Variants in CTNND2 observed in about 807,000 individuals in gnomAD.
CTNND2 encodes the protein catenin delta 2.
A neutral mutation model predicts 144.4 loss-of-function variants in CTNND2; 22 were observed. The ratio of observed to expected loss-of-function variants is 0.15; its 90% CI spans 0.11 to 0.22. The LOEUF is 0.22. Ranked by LOEUF, CTNND2 falls within the 10% of genes least tolerant of loss-of-function variation. The pLI is 1.00. For synonymous variants in CTNND2, 751 were observed against 695.6 expected, an observed-to-expected ratio of 1.08 and a Z score of -1.25; for missense variants, 1,353 against 1,618.8, an observed-to-expected ratio of 0.84 and a Z score of 2.82.
chr5:11,581,077 CTT>C (rs962891281), intron 2 of CTNND2, among the ~76,000 whole-genome samples: 1 of 152,072 alleles, frequency 6.6e-6, no homozygotes, highest in Non-Finnish European at 1.5e-5. Context: ...AATAATATAA[CTT>C]AAGGTTACAG....
At chr5:11,491,213 C>T (rs1769349776) in intron 3 of CTNND2, among the ~76,000 whole-genome samples, 1 of 152,168 alleles carries the variant, frequency 6.6e-6, no homozygotes, top group Non-Finnish European at 1.5e-5. Flanking sequence ...GTCCTGGTTC[C>T]AGTTGCTTTC....
rs141545406 is a variant in CTNND2, at chr5:11,139,561, A to C, written c.2159+20015T>G. On this transcript the variant is annotated intron_variant, in intron 12 of 21. Transcript: ENST00000304623. ...GGGTTGAAAGGGAGAAAGAAAAACAAATCCCATTTTCTCTCTGTTTGCTGC... is the reference window on the plus strand; with the variant it reads ...GGGTTGAAAGGGAGAAAGAAAAACACATCCCATTTTCTCTCTGTTTGCTGC... Among the ~76,000 whole-genome samples, 106 of 152,264 alleles carry C rather than the reference A, an allele frequency of 7.0e-4. 2 individuals carry two copies. The highest frequency in any genetic ancestry group is 2.5e-3 in the African/African-American group (102 of 41,542).
At chr5:11,431,039 G>C (rs1207097804) in intron 3 of CTNND2, among the ~76,000 whole-genome samples, 2 of 152,202 alleles carry the variant, frequency 1.3e-5, no homozygotes, top group Non-Finnish European at 2.9e-5. Context: ...TGCCTATGGA[G>C]AATTAGTCAG....
chr5:11,887,138 C>CACT lies in CTNND2; in HGVS notation c.37+16678_37+16679insAGT, dbSNP rs1274898465. 1.2e-3 allele frequency among the ~76,000 whole-genome samples: 179 copies of CACT among 152,050 alleles called. 1 individual carries two copies. The highest frequency in any genetic ancestry group is 4.0e-3 in the African/African-American group (166 of 41,486). On this transcript the variant is annotated intron_variant, in intron 1 of 21. Transcript: ENST00000304623. ...AGCTGGGACTACAGGCGCATACCGC[C>CACT]ACGCCCAGCTAATTTTTTGTATTTT...
chr5:11,530,273 G>A (rs908044238), intron 3 of CTNND2, among the ~76,000 whole-genome samples: 3 of 152,190 alleles, frequency 2.0e-5, no homozygotes, highest in African/African-American at 7.2e-5. Flanking sequence ...AATAATGTCA[G>A]ATGGTTAGAA....
chr5:10,992,017 A>C (rs1216991924), intron 19 of CTNND2, among the ~76,000 whole-genome samples: 1 of 152,226 alleles, frequency 6.6e-6, no homozygotes, highest in Non-Finnish European at 1.5e-5. Flanking sequence ...TCCCGGGTTC[A>C]AGTGATTCTC....
intron 14 of CTNND2, among the ~76,000 whole-genome samples, chr5:11,110,147 C>A (rs1390847836): frequency 6.6e-6 from 1 of 152,136 alleles, no homozygotes; most frequent in Non-Finnish European, 1.5e-5. Flanking sequence ...CTCATGGGCT[C>A]CCCAAGACAG....
intron 1 of CTNND2, among the ~76,000 whole-genome samples, chr5:11,856,960 C>T (rs1795281250): frequency 6.6e-6 from 1 of 152,088 alleles, no homozygotes; most frequent in African/African-American, 2.4e-5. Context: ...TCCCAAACAA[C>T]CCACTTAAAT....
At chr5:11,483,118 G>T (rs1042193847) in intron 3 of CTNND2, among the ~76,000 whole-genome samples, 1 of 152,160 alleles carries the variant, frequency 6.6e-6, no homozygotes, top group South Asian at 2.1e-4. Flanking sequence ...GGACAGTAGT[G>T]GTGGCAGCAG....
At position 11,182,205 on chromosome 5, in the gene CTNND2, GGT is replaced by G. The variant is rs1270788593; in HGVS notation, c.1975+17241_1975+17242del. Among the ~76,000 whole-genome samples, 52 of 145,728 alleles carry G rather than the reference GGT, an allele frequency of 3.6e-4. 1 individual carries two copies. The Middle Eastern group carries it at 0.011, about 31-fold the overall frequency. ...GGTGTGTGTGGGGTATGTGTGTGTG[GGT>G]GTGTGTGTAGTGTGTGTGTGGTATA... On this transcript the variant is annotated intron_variant, in intron 11 of 21. Coordinates refer to ENST00000304623, the MANE Select transcript of CTNND2 (RefSeq NM_001332.4).
At chr5:11,044,473 G>A (rs1441544797) in intron 16 of CTNND2, among the ~76,000 whole-genome samples, 5 of 150,606 alleles carry the variant, frequency 3.3e-5, no homozygotes, top group South Asian at 2.1e-4. Context: ...TTCATAATCC[G>A]ATATAAGCAG....
chr5:11,589,885 A>T (rs191330453), intron 2 of CTNND2, among the ~76,000 whole-genome samples: 43 of 152,320 alleles, frequency 2.8e-4, no homozygotes, highest in Admixed American at 2.0e-3. Flanking sequence ...TATCTGCAGA[A>T]GTACTTTCTT....
At chr5:11,717,164 G>A (rs931824337) in intron 2 of CTNND2, among the ~76,000 whole-genome samples, 1 of 151,570 alleles carries the variant, frequency 6.6e-6, no homozygotes. Context: ...CACCATGCCC[G>A]GCCAAAAGTA....
At chr5:11,330,315 C>A (rs866455119) in intron 9 of CTNND2, among the ~76,000 whole-genome samples, 1,280 of 81,534 alleles carry the variant, frequency 0.016, 7 homozygotes, top group African/African-American at 0.029. Context: ...ACTAAAAATA[C>A]AAAAAAAAAA....
At chr5:11,012,643 G>T (rs1250288443) in intron 18 of CTNND2, among the ~76,000 whole-genome samples, 1 of 152,196 alleles carries the variant, frequency 6.6e-6, no homozygotes, top group African/African-American at 2.4e-5. Flanking sequence ...TGGACAAGGG[G>T]TCTCAAGTCA....
At chr5:11,485,410 TC>T (rs1198715306) in intron 3 of CTNND2, among the ~76,000 whole-genome samples, 22 of 150,380 alleles carry the variant, frequency 1.5e-4, no homozygotes, top group Middle Eastern at 3.4e-3. Context: ...TTCAATGCAA[TC>T]CCCCCAAAAT....
At chr5:11,117,093 AGTTT>A in intron 13 of CTNND2, among the ~76,000 whole-genome samples, 2 of 151,756 alleles carry the variant, frequency 1.3e-5, no homozygotes. Context: ...AAAAGCAGGT[AGTTT>A]TAACATCTTG....
At chr5:11,382,597 G>GTA (rs1554046366) in intron 7 of CTNND2, among the ~76,000 whole-genome samples, 2 of 29,920 alleles carry the variant, frequency 6.7e-5, no homozygotes, top group African/African-American at 9.2e-5. Flanking sequence ...GTGAGACTCT[G>GTA]TGTGTGTGTG....
chr5:11,369,817 T>G (rs1230427068), intron 7 of CTNND2, among the ~76,000 whole-genome samples: 1 of 152,166 alleles, frequency 6.6e-6, no homozygotes, highest in African/African-American at 2.4e-5. Context: ...CACCTGACAT[T>G]TTAGCAGAGA....
Sources: allele counts gnomAD v4.1 joint callset (sites outside exome capture counted in the v4.1 genomes callset), GRCh38; gene constraint gnomAD v4.1.1; transcripts MANE v1.5; gene names NCBI Gene and HGNC (gene_info 2026-07-23, HGNC 2026-07-21).